ACBD6: variants seen among roughly 807,000 people sequenced by gnomAD.
The protein encoded by ACBD6 is acyl-CoA binding domain containing 6, also known as acyl-CoA-binding domain-containing protein 6.
In ACBD6, 28 loss-of-function variants were observed where a neutral mutation model predicts 37.2. The observed-to-expected ratio is 0.75, with a 90% confidence interval of 0.56 to 1.03. ACBD6 has a LOEUF of 1.03. Ranked by LOEUF, ACBD6 falls within the 50% of genes least tolerant of loss-of-function variation. ACBD6 has a pLI of 0.00. For missense variants in ACBD6, 340 were observed against 337.4 expected (o/e 1.01, Z -0.06); for synonymous variants, 113 against 126.8 (o/e 0.89, Z 0.73).
At chr1:180,270,263 T>A (rs560766378) in exon 14 of ACBD6, 1 of 152,364 alleles carries the variant, frequency 6.6e-6, no homozygotes, top group African/African-American at 2.4e-5. Context: ...CTACTATTGT[T>A]TCTAAGAGAG....
chr1:180,290,267 C>T (rs1649649532), intron 7 of ACBD6, among the ~76,000 whole-genome samples: 1 of 152,246 alleles, frequency 6.6e-6, no homozygotes, highest in Non-Finnish European at 1.5e-5. Flanking sequence ...TGGCTCACTG[C>T]AGCCTTGACC....
In ACBD6 at chr1:180,439,576, C is replaced by T. The variant is rs187160203; in HGVS notation, c.385-9314G>A. 3.3e-5 allele frequency among the ~76,000 whole-genome samples: 5 copies of T among 150,416 alleles called. No individual in the cohort carries two copies. In the East Asian group the frequency reaches 5.9e-4, roughly 18 times the overall value. On this transcript the variant is annotated intron_variant, in intron 3 of 7. Transcript: ENST00000367595. The stretch of plus-strand genomic sequence containing the variant: ...CTGCACTCCAGCCTGGGCGACACAG[C>T]GAGACTCCGTCTCAAAAAAAAAAAA...
chr1:180,355,891 G>A (rs557005545), intron 6 of ACBD6, among the ~76,000 whole-genome samples: 15 of 150,896 alleles, frequency 9.9e-5, no homozygotes, highest in East Asian at 7.7e-4. Context: ...TTTTTGAGAC[G>A]GAGTCTTGCT....
In ACBD6 at chr1:180,409,700, G is replaced by C. The variant is rs528949680; in HGVS notation, c.573+3666C>G. On this transcript the variant is annotated intron_variant, in intron 5 of 7. Coordinates refer to ENST00000367595, the MANE Select transcript of ACBD6 (RefSeq NM_032360.4). ...TGTGTTCTGACTGCTCCACTGACTG[G>C]CTGTTCCTGGTCTCTCCCCCTCTCT... 5.3e-5 allele frequency among the ~76,000 whole-genome samples: 8 copies of C among 152,252 alleles called. No homozygotes were observed. In the South Asian group the frequency reaches 1.7e-3, roughly 32 times the overall value.
chr1:180,286,215 G>A (rs1300941518), downstream of ACBD6, among the ~76,000 whole-genome samples: 1 of 152,164 alleles, frequency 6.6e-6, no homozygotes, highest in Non-Finnish European at 1.5e-5. Flanking sequence ...GAATGTATTT[G>A]AAAATGTTAA....
intron 3 of ACBD6, among the ~76,000 whole-genome samples, chr1:180,445,968 C>G (rs1409127266): frequency 6.6e-6 from 1 of 151,956 alleles, no homozygotes; most frequent in Non-Finnish European, 1.5e-5. Context: ...TACATACTGA[C>G]AATATTCTAA....
intron 7 of ACBD6, among the ~76,000 whole-genome samples, chr1:180,308,636 A>T (rs1443624547): frequency 6.6e-6 from 1 of 152,172 alleles, no homozygotes; most frequent in Non-Finnish European, 1.5e-5. Flanking sequence ...CTCCTCTTTT[A>T]AACGAAGGAT....
intron 9 of ACBD6, among the ~76,000 whole-genome samples, chr1:180,280,096 A>G (rs992518835): frequency 5.3e-5 from 8 of 152,230 alleles, no homozygotes; most frequent in Non-Finnish European, 1.0e-4. Flanking sequence ...ACCAGTGGCT[A>G]CTGTATTTGG....
At chr1:180,397,908 C>T (rs1654322782) in intron 5 of ACBD6, among the ~76,000 whole-genome samples, 1 of 152,036 alleles carries the variant, frequency 6.6e-6, no homozygotes, top group Admixed American at 6.6e-5. Flanking sequence ...CAAAAATTAG[C>T]TGGGCATGGT....
intron 7 of ACBD6, among the ~76,000 whole-genome samples, chr1:180,300,410 G>A (rs1339056900): frequency 6.6e-6 from 1 of 152,026 alleles, no homozygotes; most frequent in Non-Finnish European, 1.5e-5. Context: ...ATTATTACAT[G>A]CAAGACTGTT....
intron 6 of ACBD6, among the ~76,000 whole-genome samples, chr1:180,341,816 T>C (rs1651993951): frequency 6.6e-6 from 1 of 152,172 alleles, no homozygotes; most frequent in Non-Finnish European, 1.5e-5. Context: ...GGTCATGGTA[T>C]TGTTGGTACA....
At chr1:180,469,831 C>T (rs1035270888) in intron 3 of ACBD6, among the ~76,000 whole-genome samples, 3 of 152,218 alleles carry the variant, frequency 2.0e-5, no homozygotes, top group Middle Eastern at 6.8e-3. Context: ...TAATAAAATA[C>T]TTGCCTCAGT....
chr1:180,398,483 A>G (rs180932070), intron 5 of ACBD6, among the ~76,000 whole-genome samples: 56 of 152,344 alleles, frequency 3.7e-4, no homozygotes, highest in Admixed American at 1.4e-3. Flanking sequence ...ACTCTGAAAT[A>G]CCTCAAAAAC....
intron 6 of ACBD6, among the ~76,000 whole-genome samples, chr1:180,330,159 T>A (rs1252150514): frequency 6.6e-6 from 1 of 152,088 alleles, no homozygotes; most frequent in African/African-American, 2.4e-5. Context: ...TGACTCTAAT[T>A]CTAGTACTTT....
intron 3 of ACBD6, among the ~76,000 whole-genome samples, chr1:180,480,604 C>T (rs2102069866): frequency 1.3e-5 from 2 of 152,276 alleles, no homozygotes; most frequent in Middle Eastern, 3.4e-3. Context: ...CAGAAATGCT[C>T]AATAAGTATT....
intron 3 of ACBD6, 123 bp from the exon 4 acceptor site, chr1:180,430,385 C>T: frequency 1.2e-6 from 1 of 815,922 alleles, no homozygotes; most frequent in South Asian, 1.4e-5. Flanking sequence ...ACCATCTCTT[C>T]AAACCCTAGT....
At chr1:180,458,503 C>T (rs1650007946) in intron 3 of ACBD6, among the ~76,000 whole-genome samples, 1 of 152,096 alleles carries the variant, frequency 6.6e-6, no homozygotes, top group South Asian at 2.1e-4. Flanking sequence ...AATATTAAAA[C>T]ATTTGCCATA....
At chr1:180,278,918 C>T (rs555364688) in intron 9 of ACBD6, 1 of 152,006 alleles carries the variant, frequency 6.6e-6, no homozygotes, top group Non-Finnish European at 1.5e-5. Context: ...TTTGTATATG[C>T]CTCCTGTGTG....
chr1:180,370,708 T>C (rs1456568342), intron 6 of ACBD6, among the ~76,000 whole-genome samples: 3 of 152,132 alleles, frequency 2.0e-5, no homozygotes, highest in Admixed American at 6.6e-5. Flanking sequence ...AGGTTGCTTG[T>C]CTAAATTTTA....
Sources: gnomAD v4.1 joint callset for allele counts (sites outside exome capture counted in the v4.1 genomes callset) on GRCh38, gnomAD v4.1.1 for gene constraint, MANE v1.5 for transcripts, NCBI Gene and HGNC (gene_info 2026-07-23, HGNC 2026-07-21) for gene names.